Variants in VPS45 observed in about 807,000 individuals in gnomAD.
VPS45 encodes vacuolar protein sorting 45 homolog.
VPS45 carries 35 observed loss-of-function variants against 75.9 expected under a neutral mutation model. That is an observed-to-expected ratio of 0.46 (90% CI 0.35 to 0.61). VPS45 has a LOEUF of 0.61. Among genes scored for constraint, VPS45 ranks in the 20% least tolerant of loss-of-function variants. The probability of loss-of-function intolerance (pLI) is 0.00; values close to 1 mark genes in which losing one functional copy is unlikely to be tolerated. For missense variants in VPS45, 559 were observed against 685.9 expected (o/e 0.81, Z 2.07); for synonymous variants, 220 against 238.2 (o/e 0.92, Z 0.70).
At chr1:150,134,725 CA>C (rs1393052680) in intron 14 of VPS45, among the ~76,000 whole-genome samples, 1 of 152,162 alleles carries the variant, frequency 6.6e-6, no homozygotes. Flanking sequence ...CAGGTAACCT[CA>C]ATCATTTTTC....
intron 14 of VPS45, among the ~76,000 whole-genome samples, chr1:150,144,317 T>C (rs1659561341): frequency 1.3e-5 from 2 of 152,160 alleles, no homozygotes; most frequent in Admixed American, 1.3e-4. Context: ...AAAGAAACTA[T>C]AGACAACATA....
At chr1:150,078,831 C>T (rs992221489) in intron 7 of VPS45, among the ~76,000 whole-genome samples, 2 of 151,550 alleles carry the variant, frequency 1.3e-5, no homozygotes, top group South Asian at 2.1e-4. Flanking sequence ...AAAGAAGAGC[C>T]GGGCGCGGTG....
intron 13 of VPS45, among the ~76,000 whole-genome samples, chr1:150,106,651 C>A (rs1167436398): frequency 6.6e-6 from 1 of 151,636 alleles, no homozygotes; most frequent in Non-Finnish European, 1.5e-5. Flanking sequence ...CTGGCTCCCC[C>A]CATCACCCCA....
At chr1:150,104,002 T>G (rs1345788341) in intron 13 of VPS45, among the ~76,000 whole-genome samples, 1 of 152,226 alleles carries the variant, frequency 6.6e-6, no homozygotes, top group African/African-American at 2.4e-5. Flanking sequence ...ATTATGCAGT[T>G]TATCTTGAGC....
intron 14 of VPS45, among the ~76,000 whole-genome samples, chr1:150,141,782 A>G (rs1378128349): frequency 1.3e-5 from 2 of 152,204 alleles, no homozygotes; most frequent in Non-Finnish European, 2.9e-5. Context: ...CCCTTAAGGT[A>G]GGAATCATAA....
Position 150,110,420 on chromosome 1 carries a change from T to G in VPS45, c.1494-76T>G, listed in dbSNP as rs116172004. Reference sequence around the variant, plus strand: ...CCACCAAAAAAAAAGATTTAGAAATTAAAACTCTGTGTATGTAAGTCACAG... The same window carrying G: ...CCACCAAAAAAAAAGATTTAGAAATGAAAACTCTGTGTATGTAAGTCACAG... On this transcript the variant is annotated intron_variant, in intron 13 of 14. Coordinates refer to ENST00000644510, the MANE Select transcript of VPS45 (RefSeq NM_007259.5). 2,449 of 1,381,338 alleles carry G rather than the reference T, an allele frequency of 1.8e-3. 17 individuals are homozygous for G. Among genetic ancestry groups the G allele is most frequent in the African/African-American group, 0.014 (978 of 68,598 alleles). 85.6% of individuals were successfully genotyped at this position (1,381,338 alleles called of 1,614,324 possible).
At chr1:150,097,306 G>C (rs1234399813) in intron 13 of VPS45, among the ~76,000 whole-genome samples, 1 of 150,868 alleles carries the variant, frequency 6.6e-6, no homozygotes, top group African/African-American at 2.4e-5. Context: ...GGCTGGTCTC[G>C]AACTCCTGAC....
intron 14 of VPS45, among the ~76,000 whole-genome samples, chr1:150,123,651 T>G (rs1286535630): frequency 6.6e-6 from 1 of 152,062 alleles, no homozygotes; most frequent in African/African-American, 2.4e-5. Flanking sequence ...TATTAAAGAG[T>G]TCTAGTCCCT....
At chr1:150,142,256 A>G (rs587735743) in intron 14 of VPS45, among the ~76,000 whole-genome samples, 8 of 152,316 alleles carry the variant, frequency 5.3e-5, no homozygotes, top group African/African-American at 1.9e-4. Flanking sequence ...AGATCCCCTG[A>G]TAAAATTCCT....
In VPS45 at chr1:150,072,960, G is replaced by A. The variant is rs1205620548; in HGVS notation, c.289+734G>A. On this transcript the variant is annotated intron_variant, in intron 3 of 14. Coordinates refer to ENST00000644510, the MANE Select transcript of VPS45 (RefSeq NM_007259.5). The stretch of plus-strand genomic sequence containing the variant: ...AATTTACTTTACATACCAGATAAAA[G>A]CCTTTCACTTCTCTTTGTTACTATA... 3.9e-5 allele frequency among the ~76,000 whole-genome samples: 6 copies of A among 152,172 alleles called. No individual in the cohort carries two copies. The East Asian group carries it at 9.7e-4, about 24-fold the overall frequency.
At chr1:150,073,135 G>A (rs1307904456) in intron 3 of VPS45, among the ~76,000 whole-genome samples, 1 of 151,860 alleles carries the variant, frequency 6.6e-6, no homozygotes, top group African/African-American at 2.4e-5. Context: ...CAATACATTC[G>A]GCTGTAGAAG....
chr1:150,081,728 T>G (rs1553799426), intron 8 of VPS45, among the ~76,000 whole-genome samples, 156 bp from the exon 9 acceptor site: 2 of 152,210 alleles, frequency 1.3e-5, no homozygotes, highest in Non-Finnish European at 2.9e-5. Flanking sequence ...AGTAATGGTA[T>G]TCATCAACAG....
chr1:150,094,554 A>G (rs1406567569), intron 13 of VPS45, among the ~76,000 whole-genome samples: 1 of 151,632 alleles, frequency 6.6e-6, no homozygotes, highest in Non-Finnish European at 1.5e-5. Context: ...AGAAAAAAAA[A>G]TCATCTTTTA....
chr1:150,070,587 TC>T (rs1223440677), intron 2 of VPS45, among the ~76,000 whole-genome samples: 1 of 150,070 alleles, frequency 6.7e-6, no homozygotes, highest in African/African-American at 2.5e-5. Flanking sequence ...GGTCAGGAGA[TC>T]GAGACCATCC....
intron 14 of VPS45, among the ~76,000 whole-genome samples, chr1:150,126,071 G>T (rs1658501432): frequency 1.3e-5 from 2 of 151,256 alleles, no homozygotes; most frequent in South Asian, 2.1e-4. Context: ...GGGGACAAAG[G>T]TTTAAGATAA....
intron 14 of VPS45, chr1:150,142,827 A>G (rs2101667956): frequency 2.2e-6 from 1 of 448,890 alleles, no homozygotes; most frequent in Non-Finnish European, 4.5e-6. Context: ...TAATTTTTGT[A>G]TTTTTTATAG....
In VPS45 at chr1:150,107,663, G is replaced by A. The variant is rs6694729; in HGVS notation, c.1494-2833G>A. On this transcript the variant is annotated intron_variant, in intron 13 of 14. Coordinates refer to ENST00000644510, the MANE Select transcript of VPS45 (RefSeq NM_007259.5). ...CTGTAATCCTAGCACTTTGGGAGGC[G>A]AAGGCTGGCAGATCACCTGAGGTCA... Among the ~76,000 whole-genome samples the A allele has an allele frequency of 2.6e-5, 4 of 151,934 alleles. No homozygotes were observed. In the East Asian group the frequency reaches 5.8e-4, roughly 22 times the overall value.
intron 14 of VPS45, among the ~76,000 whole-genome samples, chr1:150,120,632 T>C (rs1342766648): frequency 6.6e-6 from 1 of 152,136 alleles, no homozygotes; most frequent in Non-Finnish European, 1.5e-5. Context: ...TTTAAAACAG[T>C]TCTTTTGCGA....
intron 3 of VPS45, among the ~76,000 whole-genome samples, chr1:150,073,082 T>C (rs1379653354): frequency 6.6e-6 from 1 of 152,202 alleles, no homozygotes. Context: ...GGAAATAAAC[T>C]AGGTTTGTGT....
Sources: gnomAD v4.1 joint callset for allele counts (sites outside exome capture counted in the v4.1 genomes callset) on GRCh38, gnomAD v4.1.1 for gene constraint, MANE v1.5 for transcripts, NCBI Gene and HGNC (gene_info 2026-07-23, HGNC 2026-07-21) for gene names.